The following DCUN1D1 variants were observed in gnomAD, a reference collection of about 807,000 sequenced individuals.
The protein encoded by DCUN1D1 is DCN1-like protein 1.
Under a neutral mutation model 39.0 loss-of-function variants are expected in DCUN1D1, and 3 were observed. That is an observed-to-expected ratio of 0.08 (90% confidence interval 0.04 to 0.20). DCUN1D1 has a LOEUF of 0.20. DCUN1D1 is among the 10% of genes least tolerant of loss of function. The probability of loss-of-function intolerance (pLI) is 1.00; values close to 1 mark genes in which losing one functional copy is unlikely to be tolerated. For synonymous variants in DCUN1D1, 82 were observed against 96.3 expected, an observed-to-expected ratio of 0.85 and a Z score of 0.87; for missense variants, 158 against 302.4, an observed-to-expected ratio of 0.52 and a Z score of 3.54.
At chr3:182,962,876 G>T (rs1727471999) in intron 3 of DCUN1D1, among the ~76,000 whole-genome samples, 1 of 152,166 alleles carries the variant, frequency 6.6e-6, no homozygotes, top group African/African-American at 2.4e-5. Flanking sequence ...CGCCTCCCGG[G>T]TTCAAGCGAT....
At chr3:182,976,365 T>C (rs1381325633) in intron 1 of DCUN1D1, among the ~76,000 whole-genome samples, 1 of 151,716 alleles carries the variant, frequency 6.6e-6, no homozygotes, top group African/African-American at 2.4e-5. Flanking sequence ...TGTCCACCCA[T>C]GCCTACCCCC....
At chr3:182,948,484 C>T (rs1307119516) in intron 4 of DCUN1D1, among the ~76,000 whole-genome samples, 1 of 151,780 alleles carries the variant, frequency 6.6e-6, no homozygotes, top group Non-Finnish European at 1.5e-5. Context: ...ACTACGCTTA[C>T]CACACAACAG....
intron 1 of DCUN1D1, 129 bp downstream of exon 1, chr3:182,980,358 C>A: frequency 1.5e-6 from 1 of 665,202 alleles, no homozygotes; most frequent in Non-Finnish European, 1.9e-6. Flanking sequence ...CGCCTGGGAG[C>A]GGGACGGAGG....
intron 1 of DCUN1D1, among the ~76,000 whole-genome samples, chr3:182,974,917 G>A (rs766006821): frequency 3.3e-5 from 5 of 151,892 alleles, no homozygotes; most frequent in Non-Finnish European, 7.4e-5. Context: ...GTGGGGGTGG[G>A]CGCACACCTA....
At position 182,943,160 on chromosome 3, in the gene DCUN1D1, C is replaced by CACAGCATA. The variant is rs1390370155; in HGVS notation, c.*1926_*1933dup. The CACAGCATA allele has an allele frequency of 5.8e-5, 5 of 86,768 alleles. No individual in the cohort carries two copies. The Admixed American group carries it at 6.6e-4, about 11-fold the overall frequency. The allele number at this position is 86,768 out of a possible 1,614,324, so 5.4% of individuals were successfully genotyped here. ...AAGCTAATGGGATCTCATTTCAAAA[C>CACAGCATA]ACAGCATATGTGAATTAATCAATCT... On this transcript the variant is annotated 3_prime_UTR_variant, in exon 7 of 7. Coordinates refer to ENST00000292782, the MANE Select transcript of DCUN1D1 (RefSeq NM_020640.4).
rs777715843 is a variant in DCUN1D1 at position 182,947,532 on chromosome 3, T to C, written c.603+18A>G. The C allele has an allele frequency of 4.9e-5, 68 of 1,401,334 alleles. No individual in the cohort carries two copies. In the South Asian group the frequency reaches 7.0e-4, roughly 14 times the overall value. 86.8% of individuals were successfully genotyped at this position (1,401,334 alleles called of 1,614,324 possible). Reference sequence around the variant, plus strand: ...GAATTTGAGAAAACAGAGAGAAATGTAGAAAATGTGAACTTACCAACAAAA... The same window carrying C: ...GAATTTGAGAAAACAGAGAGAAATGCAGAAAATGTGAACTTACCAACAAAA... On this transcript the variant is annotated intron_variant, in intron 5 of 6. Transcript: ENST00000292782.
At chr3:182,981,186 C>G (rs779374476), upstream of DCUN1D1, among the ~76,000 whole-genome samples, 30 of 152,112 alleles carry the variant, frequency 2.0e-4, no homozygotes, top group Non-Finnish European at 3.8e-4. Context: ...TACTGGGAGA[C>G]AGTTGGGGTA....
intron 1 of DCUN1D1, among the ~76,000 whole-genome samples, chr3:182,975,471 C>T (rs1032572672): frequency 2.6e-5 from 4 of 151,868 alleles, no homozygotes; most frequent in South Asian, 2.1e-4. Context: ...CCACCGCGCC[C>T]AGCCAAAAAT....
intron 3 of DCUN1D1, among the ~76,000 whole-genome samples, chr3:182,962,886 T>G (rs779270071): frequency 4.6e-5 from 7 of 152,172 alleles, no homozygotes; most frequent in Non-Finnish European, 1.0e-4. Context: ...GTTCAAGCGA[T>G]TCTCCTGCCT....
intron 1 of DCUN1D1, among the ~76,000 whole-genome samples, chr3:182,977,381 T>C (rs1462401050): frequency 2.6e-5 from 4 of 152,208 alleles, no homozygotes; most frequent in Non-Finnish European, 5.9e-5. Flanking sequence ...TGGATGAAAC[T>C]TTAGAAATCA....
intron 4 of DCUN1D1, among the ~76,000 whole-genome samples, chr3:182,957,359 G>C (rs1401386050): frequency 1.3e-5 from 2 of 152,230 alleles, no homozygotes; most frequent in African/African-American, 4.8e-5. Context: ...GGGTGTGGTG[G>C]CTCATGCCTG....
chr3:182,964,899 A>C (rs1397597616), intron 2 of DCUN1D1, among the ~76,000 whole-genome samples: 2 of 152,034 alleles, frequency 1.3e-5, no homozygotes, highest in Non-Finnish European at 2.9e-5. Context: ...TCGGCCTCCC[A>C]AAGTGCTGGG....
At chr3:182,980,640 C>A, upstream of DCUN1D1, 1 of 985,240 alleles carries the variant, frequency 1.0e-6, no homozygotes, top group Non-Finnish European at 1.2e-6. Flanking sequence ...AGCCCCGGAC[C>A]TCGGGGAGGC....
At position 182,945,028 on chromosome 3, in the gene DCUN1D1, T is replaced by C; in HGVS notation, c.*66A>G. 7.2e-7 allele frequency: 1 copy of C among 1,384,642 alleles called. No individual in the cohort carries two copies. Among genetic ancestry groups the C allele is most frequent in the Non-Finnish European group, 1.0e-6 (1 of 978,196 alleles). 85.8% of individuals were successfully genotyped at this position (1,384,642 alleles called of 1,614,324 possible). A position where few individuals can be genotyped will look rare whatever the true frequency, so the allele number is the denominator to read the frequency against. ...TCAGTTCAGTCCAGCCAGCAGAAAT[T>C]GACTGTGCAATTTTCTGTTGTATTT... On this transcript the variant is annotated 3_prime_UTR_variant, in exon 7 of 7. Coordinates refer to ENST00000292782, the MANE Select transcript of DCUN1D1 (RefSeq NM_020640.4).
At chr3:182,948,972 C>A (rs1049426222) in intron 4 of DCUN1D1, among the ~76,000 whole-genome samples, 1 of 150,600 alleles carries the variant, frequency 6.6e-6, no homozygotes, top group Non-Finnish European at 1.5e-5. Context: ...CGCTTGAAAC[C>A]GGAAGGCGGA....
upstream of DCUN1D1, among the ~76,000 whole-genome samples, chr3:182,982,777 T>G (rs1390035583): frequency 6.6e-6 from 1 of 152,114 alleles, no homozygotes; most frequent in Non-Finnish European, 1.5e-5. Context: ...ACCGAGTAGC[T>G]GGGATTACAG....
chr3:182,973,203 A>G (rs1381707311), intron 1 of DCUN1D1, among the ~76,000 whole-genome samples: 1 of 152,144 alleles, frequency 6.6e-6, no homozygotes, highest in Non-Finnish European at 1.5e-5. Context: ...TAACTAAGAG[A>G]GCTACTAAGT....
At chr3:182,972,881 A>G (rs923054463) in intron 1 of DCUN1D1, among the ~76,000 whole-genome samples, 2 of 152,158 alleles carry the variant, frequency 1.3e-5, no homozygotes, top group African/African-American at 4.8e-5. Context: ...CATCTCGACT[A>G]AGAATACAAA....
chr3:182,954,048 A>C (rs1440065828), intron 4 of DCUN1D1, among the ~76,000 whole-genome samples: 1 of 152,222 alleles, frequency 6.6e-6, no homozygotes, highest in Non-Finnish European at 1.5e-5. Context: ...GTGATTAAAA[A>C]TCCTATTCAC....
Sources: allele counts gnomAD v4.1 joint callset (sites outside exome capture counted in the v4.1 genomes callset), GRCh38; gene constraint gnomAD v4.1.1; transcripts MANE v1.5; gene names NCBI Gene and HGNC (gene_info 2026-07-23, HGNC 2026-07-21).